Variants in TGFBR3 observed in about 807,000 individuals in gnomAD.
TGFBR3 encodes transforming growth factor beta receptor type 3.
TGFBR3 carries 46 observed loss-of-function variants against 87.9 expected under a neutral mutation model. The observed-to-expected ratio is 0.52, with a 90% CI of 0.41 to 0.67. The LOEUF is 0.67. Among genes scored for constraint, TGFBR3 ranks in the 30% least tolerant of loss-of-function variants. The pLI, the probability that TGFBR3 is intolerant of heterozygous loss-of-function variation, is 0.00. For missense variants in TGFBR3, 866 were observed against 1,041.9 expected (o/e 0.83, Z 2.32); for synonymous variants, 381 against 391.6 (o/e 0.97, Z 0.32).
chr1:91,728,741 C>T (rs1466051185), intron 6 of TGFBR3, among the ~76,000 whole-genome samples: 5 of 152,158 alleles, frequency 3.3e-5, no homozygotes, highest in African/African-American at 9.7e-5. Context: ...AGCTTACACG[C>T]TTTGAAAGTC....
At position 91,780,191 on chromosome 1, in the gene TGFBR3, G is replaced by A. The variant is rs530089649; in HGVS notation, c.246+17096C>T. ...TTCCCAGGTTTAGGGGTTAGAACGT[G>A]GATATATCTTTGGGGGCCATTATTT... On this transcript the variant is annotated intron_variant, in intron 3 of 16. Coordinates refer to ENST00000212355, the MANE Select transcript of TGFBR3 (RefSeq NM_003243.5). Among the ~76,000 whole-genome samples the A allele has an allele frequency of 9.2e-5, 14 of 152,250 alleles. No individual in the cohort carries two copies. The South Asian group carries it at 2.9e-3, about 32-fold the overall frequency.
At chr1:91,688,977 A>G (rs952626094) in intron 16 of TGFBR3, among the ~76,000 whole-genome samples, 1 of 152,166 alleles carries the variant, frequency 6.6e-6, no homozygotes. Flanking sequence ...ATGTGACTGT[A>G]AAGAAGGCAG....
At chr1:91,864,735 T>C (rs1678323353) in intron 1 of TGFBR3, among the ~76,000 whole-genome samples, 1 of 152,204 alleles carries the variant, frequency 6.6e-6, no homozygotes, top group Non-Finnish European at 1.5e-5. Context: ...CCTGGAATGC[T>C]GGATGGACTG....
chr1:91,833,887 C>T (rs913606005), intron 2 of TGFBR3, among the ~76,000 whole-genome samples: 2 of 151,824 alleles, frequency 1.3e-5, no homozygotes, highest in African/African-American at 4.8e-5. Flanking sequence ...CAAGTACTAA[C>T]ATATTAAAGA....
At chr1:91,717,689 TA>T (rs199786596) in intron 10 of TGFBR3, among the ~76,000 whole-genome samples, 45 of 136,166 alleles carry the variant, frequency 3.3e-4, no homozygotes, top group African/African-American at 1.2e-3. Flanking sequence ...GGAAGAAAAT[TA>T]AAAAAAAAAA....
At chr1:91,839,958 C>T (rs775022801) in intron 2 of TGFBR3, among the ~76,000 whole-genome samples, 2 of 151,036 alleles carry the variant, frequency 1.3e-5, no homozygotes, top group Admixed American at 6.6e-5. Flanking sequence ...AAACGCTGTA[C>T]TACTTATGCA....
intron 1 of TGFBR3, among the ~76,000 whole-genome samples, chr1:91,882,136 A>G (rs891583417): frequency 6.9e-6 from 1 of 144,288 alleles, no homozygotes; most frequent in African/African-American, 2.5e-5. Context: ...AAAATTGAAA[A>G]CCTTTTTTTT....
At position 91,834,824 on chromosome 1, in the gene TGFBR3, G is replaced by A. The variant is rs991180687; in HGVS notation, c.61+26647C>T. Reference sequence around the variant, plus strand: ...CTCCCTAGTAGTTGAGATTACAGGCGCCTGCCACCACACCCAGCTAATTTT... The same window carrying A: ...CTCCCTAGTAGTTGAGATTACAGGCACCTGCCACCACACCCAGCTAATTTT... On this transcript the variant is annotated intron_variant, in intron 2 of 16. Transcript: ENST00000212355. Among the ~76,000 whole-genome samples the A allele has an allele frequency of 5.3e-5, 8 of 152,060 alleles. No individual in the cohort carries two copies. The East Asian group carries it at 5.8e-4, about 11-fold the overall frequency.
At chr1:91,809,999 G>A (rs1675974090) in intron 2 of TGFBR3, among the ~76,000 whole-genome samples, 1 of 152,310 alleles carries the variant, frequency 6.6e-6, no homozygotes, top group Admixed American at 6.5e-5. Context: ...TGTAGACTGG[G>A]TCTTAGAGAG....
chr1:91,833,137 A>C (rs1180085331), intron 2 of TGFBR3, among the ~76,000 whole-genome samples: 1 of 151,776 alleles, frequency 6.6e-6, no homozygotes, highest in African/African-American at 2.4e-5. Context: ...TCTACTAAAA[A>C]TACAAAAAAT....
chr1:91,787,202 G>A (rs1161124820), intron 3 of TGFBR3, among the ~76,000 whole-genome samples: 1 of 152,100 alleles, frequency 6.6e-6, no homozygotes, highest in Non-Finnish European at 1.5e-5. Flanking sequence ...TCAGGAGGCT[G>A]AGGCAAGAGA....
At chr1:91,873,746 A>T (rs1279333175) in intron 1 of TGFBR3, among the ~76,000 whole-genome samples, 1 of 152,206 alleles carries the variant, frequency 6.6e-6, no homozygotes, top group Non-Finnish European at 1.5e-5. Flanking sequence ...CAGAAATTCA[A>T]GACCAGGCTG....
At chr1:91,745,328 A>G (rs1309185089) in intron 4 of TGFBR3, among the ~76,000 whole-genome samples, 1 of 152,260 alleles carries the variant, frequency 6.6e-6, no homozygotes. Context: ...AGAGCAAAAC[A>G]AGGAAAACAA....
chr1:91,856,628 C>T (rs1677966099), intron 2 of TGFBR3, among the ~76,000 whole-genome samples: 1 of 152,186 alleles, frequency 6.6e-6, no homozygotes, highest in Non-Finnish European at 1.5e-5. Context: ...CTTCACCCCT[C>T]TGCTGCCAGA....
chr1:91,780,056 G>T (rs1031206793), intron 3 of TGFBR3, among the ~76,000 whole-genome samples: 1 of 152,130 alleles, frequency 6.6e-6, no homozygotes, highest in African/African-American at 2.4e-5. Flanking sequence ...TGTCTTATAA[G>T]GATACATGTG....
At chr1:91,812,140 C>T (rs904589669) in intron 2 of TGFBR3, among the ~76,000 whole-genome samples, 2 of 152,148 alleles carry the variant, frequency 1.3e-5, no homozygotes, top group African/African-American at 4.8e-5. Flanking sequence ...ATGCCATTTC[C>T]TCCAACAAAA....
intron 2 of TGFBR3, among the ~76,000 whole-genome samples, chr1:91,812,123 C>T (rs2101040636): frequency 6.6e-6 from 1 of 152,286 alleles, no homozygotes; most frequent in East Asian, 1.9e-4. Flanking sequence ...AAAATAAAAT[C>T]CCTTGCATGC....
exon 1 of TGFBR3, chr1:91,905,845 T>G (rs1444014439): frequency 1.3e-5 from 2 of 152,262 alleles, no homozygotes; most frequent in Admixed American, 6.5e-5. Flanking sequence ...GCCAGAGCTC[T>G]GCTTCCTTGT....
intron 2 of TGFBR3, among the ~76,000 whole-genome samples, chr1:91,806,313 G>C (rs1306260636): frequency 6.6e-6 from 1 of 152,108 alleles, no homozygotes; most frequent in Non-Finnish European, 1.5e-5. Flanking sequence ...CTCAGTTACA[G>C]AACCCCCACA....
Sources: gnomAD v4.1 joint callset for allele counts (sites outside exome capture counted in the v4.1 genomes callset) on GRCh38, gnomAD v4.1.1 for gene constraint, MANE v1.5 for transcripts, NCBI Gene and HGNC (gene_info 2026-07-23, HGNC 2026-07-21) for gene names.